The following CASK variants were observed in gnomAD, a reference collection of about 807,000 sequenced individuals.
CASK encodes the protein peripheral plasma membrane protein CASK.
In CASK, 4 loss-of-function variants were observed where a neutral mutation model predicts 82.9. The ratio of observed to expected loss-of-function variants is 0.05; its 90% CI spans 0.02 to 0.11. The LOEUF (loss-of-function observed/expected upper bound fraction) is 0.11, where lower values mean the gene tolerates loss of function less well. Ranked by LOEUF, CASK falls within the 10% of genes least tolerant of loss-of-function variation. The pLI, the probability that CASK is intolerant of heterozygous loss-of-function variation, is 1.00. For synonymous variants in CASK, 259 were observed against 253.5 expected (o/e 1.02, Z -0.20); for missense variants, 358 against 720.9 (o/e 0.50, Z 5.76).
intron 3 of CASK, among the ~76,000 whole-genome samples, chrX:41,761,257 G>A (rs940755859): frequency 9.0e-6 from 1 of 110,531 alleles, no homozygotes; most frequent in Non-Finnish European, 1.9e-5. Context: ...TGGATTTTGG[G>A]GTTTTTTTTT....
At chrX:41,583,227 C>T (rs987134712) in intron 14 of CASK, among the ~76,000 whole-genome samples, 1 of 111,415 alleles carries the variant, frequency 9.0e-6, no homozygotes, top group South Asian at 3.8e-4. Context: ...CAAAACATAT[C>T]GAGACTTAGA....
intron 26 of CASK, 103 bp from the exon 27 acceptor site, chrX:41,520,699 A>G (rs895733935): frequency 2.7e-5 from 20 of 748,839 alleles, no homozygotes; most frequent in Non-Finnish European, 3.9e-5. Flanking sequence ...ATTTTTGTTC[A>G]TCCCAGTGTC....
intron 8 of CASK, among the ~76,000 whole-genome samples, chrX:41,641,505 A>G (rs939951657): frequency 8.9e-6 from 1 of 111,770 alleles, no homozygotes; most frequent in African/African-American, 3.2e-5. Context: ...ATAATCTTAG[A>G]TGGCCTACTT....
chrX:41,533,388 A>G lies in CASK; in HGVS notation c.2317+1318T>C, dbSNP rs764858669. 1.8e-3 allele frequency among the ~76,000 whole-genome samples: 197 copies of G among 112,221 alleles called. 1 individual carries two copies. The highest frequency in any genetic ancestry group is 6.1e-3 in the African/African-American group (189 of 30,860). On this transcript the variant is annotated intron_variant, in intron 24 of 26. Transcript: ENST00000378163. ...GAACACTTCAAAGTGTTTTACTAGA[A>G]AACCCCAGTAGTGCCAAATGAGACA...
intron 5 of CASK, among the ~76,000 whole-genome samples, chrX:41,709,746 C>T (rs969073114): frequency 9.0e-6 from 1 of 111,540 alleles, no homozygotes; most frequent in African/African-American, 3.3e-5. Flanking sequence ...AAACCTGTGA[C>T]TTTCATGCTT....
chrX:41,889,586 C>T (rs527478796), intron 1 of CASK, among the ~76,000 whole-genome samples: 3 of 111,290 alleles, frequency 2.7e-5, no homozygotes, highest in South Asian at 7.5e-4. Context: ...CCTATCAACA[C>T]CAAACAATAT....
At chrX:41,663,297 G>T (rs1043494646) in intron 7 of CASK, among the ~76,000 whole-genome samples, 1 of 111,725 alleles carries the variant, frequency 9.0e-6, no homozygotes. Context: ...GGTAGAGATG[G>T]ATCTATACTT....
chrX:41,917,016 A>G (rs947907163), intron 1 of CASK, among the ~76,000 whole-genome samples: 1 of 112,653 alleles, frequency 8.9e-6, no homozygotes, highest in Non-Finnish European at 1.9e-5. Flanking sequence ...AACAGATGAA[A>G]GAATGAATAG....
At chrX:41,624,419 T>A (rs1602367135) in intron 10 of CASK, 1 of 261,009 alleles carries the variant, frequency 3.8e-6, no homozygotes, top group Non-Finnish European at 7.3e-6. Context: ...CATTTCTGAA[T>A]GTTTTTGGAA....
At chrX:41,645,565 C>T (rs1569364622) in intron 8 of CASK, among the ~76,000 whole-genome samples, 1 of 111,316 alleles carries the variant, frequency 9.0e-6, no homozygotes, top group Non-Finnish European at 1.9e-5. Flanking sequence ...ATGATGAGAT[C>T]TGTGCTGATT....
intron 16 of CASK, among the ~76,000 whole-genome samples, chrX:41,569,031 T>C (rs760372076): frequency 5.4e-5 from 6 of 111,608 alleles, no homozygotes; most frequent in South Asian, 3.8e-4. Flanking sequence ...CTATTCCAGT[T>C]CTTAGTGAAT....
intron 5 of CASK, among the ~76,000 whole-genome samples, chrX:41,702,510 T>C (rs2067818059): frequency 9.1e-6 from 1 of 109,616 alleles, no homozygotes; most frequent in African/African-American, 3.3e-5. Flanking sequence ...AGAAACAAAA[T>C]CTTTGCCAGG....
chrX:41,542,169 G>A (rs975518468), intron 22 of CASK, among the ~76,000 whole-genome samples: 4 of 112,554 alleles, frequency 3.6e-5, no homozygotes, highest in East Asian at 2.8e-4. Flanking sequence ...GGAAGAAGAC[G>A]ACTCACAGAA....
At chrX:41,607,981 T>C (rs2065984931) in intron 12 of CASK, among the ~76,000 whole-genome samples, 1 of 112,329 alleles carries the variant, frequency 8.9e-6, no homozygotes, top group Non-Finnish European at 1.9e-5. Context: ...TCAGCCCTAA[T>C]TAATATGTAC....
intron 5 of CASK, among the ~76,000 whole-genome samples, chrX:41,722,955 G>C (rs187918843): frequency 5.4e-5 from 6 of 111,970 alleles, no homozygotes; most frequent in Non-Finnish European, 5.6e-5. Flanking sequence ...AAGTAAAAGT[G>C]ATGGGAATTC....
At chrX:41,842,945 T>C (rs771869990) in intron 2 of CASK, among the ~76,000 whole-genome samples, 2 of 112,095 alleles carry the variant, frequency 1.8e-5, no homozygotes, top group South Asian at 7.4e-4. Flanking sequence ...TGGAATTGCT[T>C]TCTTAACTTC....
At chrX:41,570,015 T>TTC (rs1555983910) in intron 15 of CASK, among the ~76,000 whole-genome samples, 1 of 92,187 alleles carries the variant, frequency 1.1e-5, no homozygotes, top group African/African-American at 4.0e-5. Context: ...TTTTTCTTTT[T>TTC]TTTTTTTTTT....
intron 3 of CASK, among the ~76,000 whole-genome samples, chrX:41,772,389 G>T (rs1008288270): frequency 6.5e-5 from 6 of 93,001 alleles, no homozygotes; most frequent in African/African-American, 2.4e-4. Flanking sequence ...AAAGCTACAA[G>T]TTGTCACTGA....
At chrX:41,863,013 G>A (rs2071522995) in intron 1 of CASK, among the ~76,000 whole-genome samples, 1 of 111,850 alleles carries the variant, frequency 8.9e-6, no homozygotes, top group East Asian at 2.8e-4. Flanking sequence ...CATATAGATA[G>A]GAGTATAAAG....
Sources: allele counts gnomAD v4.1 joint callset (sites outside exome capture counted in the v4.1 genomes callset), GRCh38; gene constraint gnomAD v4.1.1; transcripts MANE v1.5; gene names NCBI Gene and HGNC (gene_info 2026-07-23, HGNC 2026-07-21).